PXT1: variants seen among roughly 807,000 people sequenced by gnomAD.
The protein encoded by PXT1 is peroxisomal testis enriched protein 1.
A neutral mutation model predicts 11.0 loss-of-function variants in PXT1; 11 were observed. The ratio of observed to expected loss-of-function variants is 1.00; its 90% confidence interval spans 0.63 to 1.66. The LOEUF (loss-of-function observed/expected upper bound fraction) is 1.66. PXT1 is among the 40% of genes most tolerant of loss of function. The pLI is 0.00. For missense variants in PXT1, 141 were observed against 155.5 expected (o/e 0.91, Z 0.49); for synonymous variants, 43 against 51.4 (o/e 0.84, Z 0.70).
rs60161051 is a variant in PXT1, at chr6:36,408,703, CAAAAAAAAA to C, written c.170-8128_170-8120del. ...CAACACAGGGAGAGCCTGTCTCTACCAAAAAAAAAAAAAAAAAAAAAAATTGTTTTAATT... is the reference window on the plus strand; with the variant it reads ...CAACACAGGGAGAGCCTGTCTCTACCAAAAAAAAAAAAAATTGTTTTAATT... On this transcript the variant is annotated intron_variant, in intron 3 of 4. Transcript: ENST00000454782. Among the ~76,000 whole-genome samples the C allele has an allele frequency of 3.5e-5, 4 of 113,422 alleles. No homozygotes were observed. In the East Asian group the frequency reaches 8.0e-4, roughly 23 times the overall value. 74.4% of individuals were successfully genotyped at this position (113,422 alleles called of 152,430 possible).
chr6:36,425,805 A>AAACAAACAAAAAAAAAAAATATATAT (rs1554154141), intron 3 of PXT1, 109 bp downstream of exon 3: 1 of 321,510 alleles, frequency 3.1e-6, no homozygotes, highest in African/African-American at 2.3e-5. Flanking sequence ...AAAAACAAAA[A>AAACAAACAAAAAAAAAAAATATATAT]ATATATATAT....
intron 1 of PXT1, among the ~76,000 whole-genome samples, chr6:36,439,114 T>G (rs1366920696): frequency 6.6e-6 from 1 of 151,818 alleles, no homozygotes; most frequent in Non-Finnish European, 1.5e-5. Flanking sequence ...TTCTCCTGCC[T>G]CAGCCTCTCA....
At chr6:36,396,289 G>A (rs1014516968) in intron 4 of PXT1, among the ~76,000 whole-genome samples, 2 of 152,204 alleles carry the variant, frequency 1.3e-5, no homozygotes, top group African/African-American at 4.8e-5. Context: ...GGAGCCAGTA[G>A]GAGCCCAGCC....
At chr6:36,437,820 C>CT (rs375905408) in intron 2 of PXT1, among the ~76,000 whole-genome samples, 1,237 of 79,430 alleles carry the variant, frequency 0.016, 32 homozygotes, top group African/African-American at 0.022. Context: ...CCAGCCACTG[C>CT]TTTTTTTTTT....
rs1774060087 is a variant in PXT1, at chr6:36,391,102, T to C, written c.*668A>G. The C allele has an allele frequency of 1.3e-5, 2 of 152,168 alleles. No individual in the cohort carries two copies. Among genetic ancestry groups the C allele is most frequent in the Admixed American group, 1.3e-4 (2 of 15,268 alleles). 9.4% of individuals were successfully genotyped at this position (152,168 alleles called of 1,614,324 possible). On this transcript the variant is annotated 3_prime_UTR_variant, in exon 5 of 5. Transcript: ENST00000454782. ...CAAAGGTGAGAAAAGAACGTAAATG[T>C]TGTAGAATCAGAGCCTGAGAAGGAA...
At chr6:36,427,296 C>T (rs917789617) in intron 2 of PXT1, among the ~76,000 whole-genome samples, 3 of 151,098 alleles carry the variant, frequency 2.0e-5, no homozygotes, top group South Asian at 2.1e-4. Context: ...CCACCATGCC[C>T]GGCCGCATTA....
At chr6:36,414,058 A>G (rs1194606857) in intron 3 of PXT1, among the ~76,000 whole-genome samples, 1 of 152,236 alleles carries the variant, frequency 6.6e-6, no homozygotes, top group African/African-American at 2.4e-5. Context: ...ATTTGCACAC[A>G]TGCAAGGACT....
At chr6:36,409,898 G>C (rs1774342535) in intron 3 of PXT1, among the ~76,000 whole-genome samples, 1 of 146,114 alleles carries the variant, frequency 6.8e-6, no homozygotes, top group Non-Finnish European at 1.5e-5. Flanking sequence ...AGGAAGGAAA[G>C]AAGGAAGGAA....
rs1774601128 is a variant in PXT1 at position 36,426,042 on chromosome 6, T to G, written c.41A>C (p.Glu14Ala). 3.9e-6 allele frequency: 6 copies of G among 1,521,422 alleles called. No individual in the cohort carries two copies. In the African/African-American group the frequency reaches 6.9e-5, roughly 18 times the overall value. 94.2% of individuals were successfully genotyped at this position (1,521,422 alleles called of 1,614,324 possible). Reference sequence around the variant, plus strand: ...TACTTTGGGAGATGGATTGAGAACTTCTTTAGTTTCATAAACAATGCCATC... The same window carrying G: ...TACTTTGGGAGATGGATTGAGAACTGCTTTAGTTTCATAAACAATGCCATC... ...KHDGIVYETKEVLNPSPKVTH... is the reference protein window; with the variant it reads ...KHDGIVYETKAVLNPSPKVTH... The change falls in exon 3 of 5, where the codon GAA becomes GCA. Residue 14 changes from glutamate (E) to alanine (A), a missense_variant. Glu to Ala is a moderately radical substitution (Grantham distance 107, BLOSUM62 -1). Coordinates refer to ENST00000454782, the MANE Select transcript of PXT1 (RefSeq NM_152990.4).
At chr6:36,410,410 A>C (rs1774355622) in intron 3 of PXT1, among the ~76,000 whole-genome samples, 1 of 150,012 alleles carries the variant, frequency 6.7e-6, no homozygotes, top group Non-Finnish European at 1.5e-5. Flanking sequence ...AGATAGCGCC[A>C]TTGCTCGCCA....
chr6:36,440,177 T>C (rs1239493194), intron 1 of PXT1, among the ~76,000 whole-genome samples: 1 of 152,224 alleles, frequency 6.6e-6, no homozygotes, highest in Non-Finnish European at 1.5e-5. Context: ...TTTTGGTTTG[T>C]TTTTATATTT....
intron 3 of PXT1, among the ~76,000 whole-genome samples, chr6:36,424,898 C>T (rs762798636): frequency 6.6e-6 from 1 of 151,644 alleles, no homozygotes; most frequent in Admixed American, 6.6e-5. Flanking sequence ...CCAACCTGGG[C>T]GACAAAGTGA....
At chr6:36,437,707 G>A (rs1460511612) in intron 2 of PXT1, among the ~76,000 whole-genome samples, 1 of 151,260 alleles carries the variant, frequency 6.6e-6, no homozygotes, top group African/African-American at 2.4e-5. Context: ...TAGTAGAGAC[G>A]GGGTTTCACC....
chr6:36,395,722 G>A (rs908512946), intron 4 of PXT1, among the ~76,000 whole-genome samples: 5 of 152,024 alleles, frequency 3.3e-5, no homozygotes, highest in Non-Finnish European at 7.4e-5. Context: ...GTTCTAGGCT[G>A]AGCGCGGTGG....
intron 3 of PXT1, among the ~76,000 whole-genome samples, chr6:36,423,708 G>C (rs370045892): frequency 6.6e-6 from 1 of 152,134 alleles, no homozygotes; most frequent in Non-Finnish European, 1.5e-5. Context: ...TAAAGATGAA[G>C]GGGAGAAACG....
chr6:36,419,472 C>A (rs146832292), intron 3 of PXT1, among the ~76,000 whole-genome samples: 2 of 152,166 alleles, frequency 1.3e-5, no homozygotes, highest in African/African-American at 4.8e-5. Context: ...GGCAAAGGGG[C>A]AGAGGAGGAA....
At position 36,393,665 on chromosome 6, in the gene PXT1, T is replaced by C. The variant is rs190432302; in HGVS notation, c.301-1791A>G. Reference sequence around the variant, plus strand: ...AATTGCTTGCACCTGGGAGCAGAGGTTGCGGTGACAACTTTGTGCCATGGC... The same window carrying C: ...AATTGCTTGCACCTGGGAGCAGAGGCTGCGGTGACAACTTTGTGCCATGGC... On this transcript the variant is annotated intron_variant, in intron 4 of 4. Coordinates refer to ENST00000454782, the MANE Select transcript of PXT1 (RefSeq NM_152990.4). Among the ~76,000 whole-genome samples, 56 of 151,780 alleles carry C rather than the reference T, an allele frequency of 3.7e-4. No homozygotes were observed. In the East Asian group the frequency reaches 0.011, roughly 28 times the overall value.
chr6:36,426,070 GT>G lies in PXT1; in HGVS notation c.12del (p.Lys4AsnfsTer19). MKK[K>X]HDGIVYETKE... The stretch of plus-strand genomic sequence containing the variant: ...TTAGTTTCATAAACAATGCCATCAT[GT>G]TTTTTCTTCATGTTTTTTCCCTGTT... On this transcript the variant is annotated frameshift_variant, in exon 3 of 5. Coordinates refer to ENST00000454782, the MANE Select transcript of PXT1 (RefSeq NM_152990.4). LOFTEE classifies it high-confidence loss of function. 1 of 1,507,054 alleles carries G rather than the reference GT, an allele frequency of 6.6e-7. No individual in the cohort carries two copies. Among genetic ancestry groups the G allele is most frequent in the Non-Finnish European group, 8.8e-7 (1 of 1,133,628 alleles). The allele number at this position is 1,507,054 out of a possible 1,614,324, so 93.4% of individuals were successfully genotyped here. A position where few individuals can be genotyped will look rare whatever the true frequency, so the allele number is the denominator to read the frequency against.
At chr6:36,442,068 C>CATAT (rs113942991) in intron 1 of PXT1, among the ~76,000 whole-genome samples, 18 of 150,734 alleles carry the variant, frequency 1.2e-4, no homozygotes, top group Admixed American at 4.0e-4. Context: ...TATATATAGA[C>CATAT]ATATATATAT....
Sources: gnomAD v4.1 joint callset for allele counts (sites outside exome capture counted in the v4.1 genomes callset) on GRCh38, gnomAD v4.1.1 for gene constraint, MANE v1.5 for transcripts, NCBI Gene and HGNC (gene_info 2026-07-23, HGNC 2026-07-21) for gene names.